The following MAGI3 variants were observed in gnomAD, a reference collection of about 807,000 sequenced individuals.
MAGI3 encodes the protein membrane associated guanylate kinase, WW and PDZ domain containing 3.
A neutral mutation model predicts 121.8 loss-of-function variants in MAGI3; 43 were observed. The ratio of observed to expected loss-of-function variants is 0.35; its 90% CI spans 0.28 to 0.46. The LOEUF (loss-of-function observed/expected upper bound fraction) is 0.46, where lower values mean the gene tolerates loss of function less well. MAGI3 is among the 20% of genes least tolerant of loss of function. The pLI is 1.00. For synonymous variants in MAGI3, 553 were observed against 639.3 expected (o/e 0.86, Z 2.04); for missense variants, 1,547 against 1,797.3 (o/e 0.86, Z 2.52).
chr1:113,591,394 A>G (rs890887465), intron 5 of MAGI3, among the ~76,000 whole-genome samples: 1 of 152,150 alleles, frequency 6.6e-6, no homozygotes, highest in Non-Finnish European at 1.5e-5. Flanking sequence ...TACAGAATAT[A>G]ACAATTAAAT....
chr1:113,522,644 TG>T (rs1223433743), intron 1 of MAGI3, among the ~76,000 whole-genome samples: 1 of 152,242 alleles, frequency 6.6e-6, no homozygotes, highest in Non-Finnish European at 1.5e-5. Flanking sequence ...CCAGCCCACT[TG>T]ATAAATGTTA....
chr1:113,639,339 A>C (rs992929395), intron 9 of MAGI3, among the ~76,000 whole-genome samples: 3 of 152,212 alleles, frequency 2.0e-5, no homozygotes, highest in African/African-American at 7.2e-5. Context: ...TCACGCTGGG[A>C]ACTGTAGACC....
intron 1 of MAGI3, among the ~76,000 whole-genome samples, chr1:113,404,802 G>A (rs1260049555): frequency 6.6e-6 from 1 of 151,990 alleles, no homozygotes; most frequent in Non-Finnish European, 1.5e-5. Context: ...GAGCACTGGA[G>A]GGAAGGGCCA....
rs937353657 is a variant in MAGI3 at position 113,539,633 on chromosome 1, G to A, written c.317-9882G>A. The stretch of plus-strand genomic sequence containing the variant: ...ATGTATACATGTGCCATGCCGGTGC[G>A]CTGCACCCACTAACTCGTCATCTAG... On this transcript the variant is annotated intron_variant, in intron 1 of 20. Transcript: ENST00000307546. 1.4e-4 allele frequency among the ~76,000 whole-genome samples: 21 copies of A among 151,992 alleles called. No individual in the cohort carries two copies. The East Asian group carries it at 3.3e-3, about 24-fold the overall frequency.
intron 1 of MAGI3, among the ~76,000 whole-genome samples, chr1:113,468,521 A>T (rs931460155): frequency 2.0e-5 from 3 of 152,200 alleles, no homozygotes; most frequent in African/African-American, 7.2e-5. Flanking sequence ...ATGAGTGGAT[A>T]CTGTATTGGA....
intron 1 of MAGI3, among the ~76,000 whole-genome samples, chr1:113,536,260 T>C (rs1415932904): frequency 6.6e-6 from 1 of 152,116 alleles, no homozygotes; most frequent in African/African-American, 2.4e-5. Flanking sequence ...AAACTCACAA[T>C]TTAGAGATAC....
At chr1:113,506,687 A>G (rs777267280) in intron 1 of MAGI3, among the ~76,000 whole-genome samples, 2 of 152,212 alleles carry the variant, frequency 1.3e-5, no homozygotes, top group Non-Finnish European at 2.9e-5. Context: ...AAGGTCTGGT[A>G]TAAAGACAGC....
chr1:113,616,577 T>C (rs906550086), intron 7 of MAGI3, among the ~76,000 whole-genome samples: 1 of 152,194 alleles, frequency 6.6e-6, no homozygotes, highest in African/African-American at 2.4e-5. Context: ...TTTTAGAGGA[T>C]GGGATTCTGA....
chr1:113,402,791 C>T (rs1450827709), intron 1 of MAGI3, among the ~76,000 whole-genome samples: 4 of 151,918 alleles, frequency 2.6e-5, no homozygotes, highest in Admixed American at 6.6e-5. Flanking sequence ...TTGCTGGGTG[C>T]GGGACAAGAA....
intron 6 of MAGI3, among the ~76,000 whole-genome samples, chr1:113,603,483 A>G (rs1440976028): frequency 6.6e-6 from 1 of 152,180 alleles, no homozygotes; most frequent in Non-Finnish European, 1.5e-5. Flanking sequence ...AGAAAGAGGG[A>G]ATCTTCTCTA....
At chr1:113,449,562 T>G (rs1295581104) in intron 1 of MAGI3, 2 of 622,732 alleles carry the variant, frequency 3.2e-6, no homozygotes, top group African/African-American at 1.8e-5. Context: ...ATCCTGGAGA[T>G]TCTGGATAAA....
At chr1:113,595,486 G>A (rs1648943229) in intron 6 of MAGI3, among the ~76,000 whole-genome samples, 1 of 151,720 alleles carries the variant, frequency 6.6e-6, no homozygotes, top group African/African-American at 2.4e-5. Flanking sequence ...CGTAAAATGA[G>A]GTTCACAGTA....
chr1:113,627,539 T>C (rs973351522), intron 9 of MAGI3, among the ~76,000 whole-genome samples: 3 of 150,046 alleles, frequency 2.0e-5, no homozygotes, highest in Non-Finnish European at 4.4e-5. Context: ...CCTGCTATTA[T>C]TGTATTGAGG....
chr1:113,490,599 A>C (rs1656622995), intron 1 of MAGI3, among the ~76,000 whole-genome samples: 1 of 152,228 alleles, frequency 6.6e-6, no homozygotes, highest in Admixed American at 6.5e-5. Context: ...ATAAAGAATC[A>C]GACCCATTGG....
intron 1 of MAGI3, among the ~76,000 whole-genome samples, chr1:113,461,431 G>A (rs566062011): frequency 5.3e-5 from 8 of 150,594 alleles, no homozygotes; most frequent in East Asian, 3.9e-4. Context: ...ATCAGGCCAC[G>A]CATCTGATCA....
In MAGI3 at chr1:113,394,533, A is replaced by G. The variant is rs114886790; in HGVS notation, c.316+3184A>G. 6.1e-3 allele frequency among the ~76,000 whole-genome samples: 932 copies of G among 152,186 alleles called. 7 individuals are homozygous for G. Among genetic ancestry groups the G allele is most frequent in the African/African-American group, 0.022 (901 of 41,530 alleles). On this transcript the variant is annotated intron_variant, in intron 1 of 20. Coordinates refer to ENST00000307546, the MANE Select transcript of MAGI3 (RefSeq NM_001142782.2). ...ACTATGACTAGGTTTAGTTTCTTTG[A>G]TTTTACTACAGAGTATATATTCTTA...
chr1:113,674,391 T>TAAAAAAAAA (rs35665087), intron 19 of MAGI3, among the ~76,000 whole-genome samples: 1 of 124,248 alleles, frequency 8.0e-6, no homozygotes, highest in Non-Finnish European at 1.7e-5. Flanking sequence ...AAACTCCATT[T>TAAAAAAAAA]AAAAAAAAAA....
intron 1 of MAGI3, among the ~76,000 whole-genome samples, chr1:113,497,031 G>T (rs1398409544): frequency 1.3e-5 from 2 of 152,214 alleles, no homozygotes; most frequent in Non-Finnish European, 2.9e-5. Context: ...GCAAAGGCAG[G>T]CAGATCACTT....
rs755805856 is a variant in MAGI3, at chr1:113,683,258, A to G, written c.3690A>G (p.Gln1230=). 1.9e-6 allele frequency: 3 copies of G among 1,613,284 alleles called. No homozygotes were observed. Among genetic ancestry groups the G allele is most frequent in the South Asian group, 1.1e-5 (1 of 90,862 alleles). Residue 1230 remains glutamine (Q), a synonymous_variant, in exon 21 of 21, where the codon CAA becomes CAG. Coordinates refer to ENST00000307546, the MANE Select transcript of MAGI3 (RefSeq NM_001142782.2). ...TTAGTCCCAAAAAGCCAGCCAGTCA[A>G]CATTCAGAGGAACATTTGGATAAGA... is the stretch of plus-strand genomic sequence containing the variant. ...RSVSPKKPAS[Q]HSEEHLDKIP...
Sources: gnomAD v4.1 joint callset for allele counts (sites outside exome capture counted in the v4.1 genomes callset) on GRCh38, gnomAD v4.1.1 for gene constraint, MANE v1.5 for transcripts, NCBI Gene and HGNC (gene_info 2026-07-23, HGNC 2026-07-21) for gene names.